The following COQ4 variants were observed in gnomAD, a reference collection of about 807,000 sequenced individuals.
COQ4 encodes ubiquinone biosynthesis protein COQ4 homolog, mitochondrial.
Under a neutral mutation model 30.2 loss-of-function variants are expected in COQ4, and 36 were observed. That is an observed-to-expected ratio of 1.19 (90% CI 0.91 to 1.57). The LOEUF (loss-of-function observed/expected upper bound fraction) is 1.57. Ranked by LOEUF, COQ4 falls within the 40% of genes most tolerant of loss-of-function variation. The probability of loss-of-function intolerance (pLI) is 0.00; values close to 1 mark genes in which losing one functional copy is unlikely to be tolerated. For missense variants in COQ4, 369 were observed against 371.9 expected (o/e 0.99, Z 0.07); for synonymous variants, 197 against 161.0 (o/e 1.22, Z -1.69).
Position 128,332,249 on chromosome 9 carries a change from C to T in COQ4, c.499C>T (p.His167Tyr), listed in dbSNP as rs1160047194. ...GTACCGGGAGGTGCACGACATGCTT[C>T]ACACCCTGCTGGGGATGCCCACCAA... ...QRYREVHDML[H>Y]TLLGMPTNIL... The change falls in exon 5 of 7, where the codon CAC becomes TAC. Residue 167 changes from histidine (H) to tyrosine (Y), a missense_variant. Coordinates refer to ENST00000300452, the MANE Select transcript of COQ4 (RefSeq NM_016035.5). 4 of 1,613,340 alleles carry T rather than the reference C, an allele frequency of 2.5e-6. No individual in the cohort carries two copies. In the African/African-American group the frequency reaches 4.0e-5, roughly 16 times the overall value.
At chr9:128,329,179 G>T (rs75240509) in intron 4 of COQ4, among the ~76,000 whole-genome samples, 1 of 152,040 alleles carries the variant, frequency 6.6e-6, no homozygotes, top group African/African-American at 2.4e-5. Context: ...CTTTGACCTC[G>T]CTGAGTCTCA....
In COQ4 at chr9:128,325,208, A is replaced by AG; in HGVS notation, c.270dup (p.Arg91GlufsTer59). The AG allele has an allele frequency of 6.2e-7, 1 of 1,614,100 alleles. No individual in the cohort carries two copies. Among genetic ancestry groups the AG allele is most frequent in the Non-Finnish European group, 8.5e-7 (1 of 1,179,958 alleles). ...CCTGAAGGTCCTCAGGGACCAGATG[A>AG]GGAGGGATCCAGAGGGTGCCCAGAT... On this transcript the variant is annotated frameshift_variant, in exon 3 of 7. Transcript: ENST00000300452. LOFTEE classifies it high-confidence loss of function.
chr9:128,323,441 C>G, intron 2 of COQ4: 1 of 503,756 alleles, frequency 2.0e-6, no homozygotes. Flanking sequence ...TCATAAGTAC[C>G]GATCAGTTTA....
intron 2 of COQ4, 37 bp from the exon 3 acceptor site, chr9:128,325,106 T>G: frequency 1.1e-4 from 171 of 1,499,272 alleles, no homozygotes; most frequent in Middle Eastern, 3.4e-4. Flanking sequence ...TTACCTAAGA[T>G]GACATCCCCC....
Position 128,323,141 on chromosome 9 carries a change from C to T in COQ4, c.196C>T (p.Arg66Cys). Reference sequence around the variant, plus strand: ...GGCGATGGCGCTCTATAACCCCTACCGCCACGGTAAGGCCGCCCGCGCCTC... The same window carrying T: ...GGCGATGGCGCTCTATAACCCCTACTGCCACGGTAAGGCCGCCCGCGCCTC... ...SAAMALYNPY[R>C]HDMVAVLGET... The change falls in exon 2 of 7, where the codon CGC becomes TGC. Residue 66 changes from arginine to cysteine, a missense_variant. By Grantham distance (180) the Arg-to-Cys change is radical (BLOSUM62 -3). Transcript: ENST00000300452. The T allele has an allele frequency of 6.2e-7, 1 of 1,600,620 alleles. No individual in the cohort carries two copies. Among genetic ancestry groups the T allele is most frequent in the East Asian group, 2.3e-5 (1 of 44,400 alleles).
At chr9:128,326,175 C>G (rs1490670770) in intron 4 of COQ4, 1 of 558,902 alleles carries the variant, frequency 1.8e-6, no homozygotes, top group East Asian at 3.0e-5. Flanking sequence ...CTATTATTAT[C>G]CTCTTTTAGC....
intron 4 of COQ4, among the ~76,000 whole-genome samples, chr9:128,326,789 A>T (rs1426601291): frequency 6.7e-6 from 1 of 149,988 alleles, no homozygotes; most frequent in Admixed American, 6.6e-5. Context: ...CCGCTCTGCC[A>T]CCCAGGCTGG....
intron 4 of COQ4, among the ~76,000 whole-genome samples, chr9:128,329,428 G>C (rs1025256000): frequency 6.6e-6 from 1 of 152,012 alleles, no homozygotes; most frequent in African/African-American, 2.4e-5. Context: ...CCAGGCTGGA[G>C]GGCAGTGGCA....
chr9:128,333,624 G>T lies in COQ4; in HGVS notation c.777G>T (p.Met259Ile). Residue 259 changes from methionine (M) to isoleucine (I), a missense_variant, in exon 7 of 7, where the codon ATG (methionine) becomes ATT (isoleucine). Physicochemically the swap from Met to Ile is conservative, Grantham distance 10. Coordinates refer to ENST00000300452, the MANE Select transcript of COQ4 (RefSeq NM_016035.5). ...REELGITAPPMHVQGLA is the reference protein window; with the variant it reads ...REELGITAPPIHVQGLA The stretch of plus-strand genomic sequence containing the variant: ...AGCTGGGCATTACAGCACCACCCAT[G>T]CACGTCCAGGGCTTGGCCTGAGCTC... 1 of 1,581,686 alleles carries T rather than the reference G, an allele frequency of 6.3e-7. No homozygotes were observed.
chr9:128,323,173 GT>G, intron 2 of COQ4, 26 bp downstream of exon 2: 1 of 1,563,684 alleles, frequency 6.4e-7, no homozygotes, highest in Non-Finnish European at 8.6e-7. Flanking sequence ...CCTCGCCCCC[GT>G]GGGGGCGGCT....
intron 4 of COQ4, chr9:128,331,145 T>G (rs556625734): frequency 6.6e-6 from 1 of 152,364 alleles, no homozygotes; most frequent in East Asian, 1.9e-4. Flanking sequence ...CCAGTATTTT[T>G]AAATCATTGA....
intron 2 of COQ4, among the ~76,000 whole-genome samples, chr9:128,324,005 A>G (rs1254253454): frequency 3.3e-5 from 5 of 152,050 alleles, no homozygotes; most frequent in African/African-American, 9.7e-5. Context: ...TTGTTTTGAG[A>G]CACAGTATTG....
rs777803369 is a variant in COQ4 at position 128,332,962 on chromosome 9, G to A, written c.626+19G>A. The A allele has an allele frequency of 6.3e-7, 1 of 1,599,158 alleles. No individual in the cohort carries two copies. The highest frequency in any genetic ancestry group is 2.2e-5 in the East Asian group (1 of 44,814). On this transcript the variant is annotated intron_variant, in intron 6 of 6. Coordinates refer to ENST00000300452, the MANE Select transcript of COQ4 (RefSeq NM_016035.5). ...GCGCTCAGTAAGTTTTCAAGTGGTA[G>A]CTGGGTCGGGGTTGAGGGTGGTATC... is the stretch of plus-strand genomic sequence containing the variant.
In COQ4 at chr9:128,322,903, C is replaced by A; in HGVS notation, c.45C>A (p.Leu15=). Residue 15 remains leucine (L), a synonymous_variant, in exon 1 of 7, where the codon CTC becomes CTA. Coordinates refer to ENST00000300452, the MANE Select transcript of COQ4 (RefSeq NM_016035.5). ...LRPVLRRLCG[L]PGLQRPAAEM... is the part of the protein sequence containing the mutation. The stretch of plus-strand genomic sequence containing the variant: ...CTGTCCTCCGTCGGCTCTGCGGGCT[C>A]CCGGGCCTACAGCGGCCTGCGGCAG... The A allele has an allele frequency of 6.3e-7, 1 of 1,596,220 alleles. No individual in the cohort carries two copies. The highest frequency in any genetic ancestry group is 8.5e-7 in the Non-Finnish European group (1 of 1,175,620).
chr9:128,333,035 A>T, intron 6 of COQ4, 92 bp downstream of exon 6: 1 of 915,132 alleles, frequency 1.1e-6, no homozygotes, highest in Non-Finnish European at 1.8e-6. Flanking sequence ...GGAAGAGCAC[A>T]CGGGCCCCTG....
intron 4 of COQ4, among the ~76,000 whole-genome samples, chr9:128,328,025 C>T (rs115752281): frequency 2.5e-4 from 38 of 152,304 alleles, no homozygotes; most frequent in African/African-American, 8.4e-4. Flanking sequence ...AGGAGCCAAC[C>T]CTGTGGAGAG....
At chr9:128,332,692 C>T in intron 5 of COQ4, 158 bp from the exon 6 acceptor site, 1 of 673,904 alleles carries the variant, frequency 1.5e-6, no homozygotes, top group Non-Finnish European at 2.7e-6. Flanking sequence ...TCCTGTACTC[C>T]AAGCCAAGTG....
rs1465509642 is a variant in COQ4, at chr9:128,322,918, G to C, written c.60G>C (p.Arg20=). 6.3e-7 allele frequency: 1 copy of C among 1,599,770 alleles called. No individual in the cohort carries two copies. The highest frequency in any genetic ancestry group is 1.3e-5 in the African/African-American group (1 of 74,630). Residue 20 remains arginine, a synonymous_variant, in exon 1 of 7, where the codon CGG becomes CGC. Transcript: ENST00000300452. ...TCTGCGGGCTCCCGGGCCTACAGCGGCCTGCGGCAGGCAAGTGGCGCCGGG... is the reference window on the plus strand; with the variant it reads ...TCTGCGGGCTCCCGGGCCTACAGCGCCCTGCGGCAGGCAAGTGGCGCCGGG... ...RRLCGLPGLQ[R]PAAEMPLRAR... is the part of the protein sequence containing the mutation.
At chr9:128,331,832 AT>A (rs1416131961) in intron 4 of COQ4, 1 of 177,040 alleles carries the variant, frequency 5.6e-6, no homozygotes, top group Non-Finnish European at 1.2e-5. Context: ...GGTTCAAGTG[AT>A]TCTCCTGTCT....
Sources: gnomAD v4.1 joint callset for allele counts (sites outside exome capture counted in the v4.1 genomes callset) on GRCh38, gnomAD v4.1.1 for gene constraint, MANE v1.5 for transcripts, NCBI Gene and HGNC (gene_info 2026-07-23, HGNC 2026-07-21) for gene names.